EHBP1: variants seen among roughly 807,000 people sequenced by gnomAD.
The protein encoded by EHBP1 is EH domain-binding protein 1.
In EHBP1, 55 loss-of-function variants were observed where a neutral mutation model predicts 144.0. The observed-to-expected ratio is 0.38, with a 90% CI of 0.31 to 0.48. The LOEUF is 0.48. Ranked by LOEUF, EHBP1 falls within the 20% of genes least tolerant of loss-of-function variation. EHBP1 has a pLI of 0.98. For synonymous variants in EHBP1, 469 were observed against 472.7 expected, an observed-to-expected ratio of 0.99 and a Z score of 0.10; for missense variants, 1,200 against 1,364.2, an observed-to-expected ratio of 0.88 and a Z score of 1.90.
intron 10 of EHBP1, among the ~76,000 whole-genome samples, chr2:62,881,025 G>T (rs973163879): frequency 6.9e-6 from 1 of 144,850 alleles, no homozygotes; most frequent in Non-Finnish European, 1.5e-5. Context: ...ATGAAAATGT[G>T]GTATATATAT....
intron 19 of EHBP1, among the ~76,000 whole-genome samples, chr2:62,997,760 G>A (rs951781480): frequency 3.3e-5 from 5 of 152,024 alleles, no homozygotes; most frequent in Admixed American, 3.3e-4. Context: ...ATTTGAAAAT[G>A]CATAGATTAG....
Position 62,707,289 on chromosome 2 carries a change from A to G in EHBP1, c.98A>G (p.Lys33Arg), listed in dbSNP as rs778031853. ...SYQELMVECT[K>R]KWQPDKLVVV... ...CAGGAGCTCATGGTTGAGTGTACGAAGAAATGGTAAGATGTACCTGGAGGT... is the reference window on the plus strand; with the variant it reads ...CAGGAGCTCATGGTTGAGTGTACGAGGAAATGGTAAGATGTACCTGGAGGT... The change falls in exon 2 of 23, where the codon AAG (lysine) becomes AGG (arginine). Residue 33 changes from lysine to arginine, a missense_variant. Physicochemically the swap from Lys to Arg is conservative, Grantham distance 26. Transcript: ENST00000431489. The G allele has an allele frequency of 1.3e-5, 21 of 1,612,420 alleles. No individual in the cohort carries two copies. The Admixed American group carries it at 3.2e-4, about 24-fold the overall frequency.
chr2:62,766,334 C>T (rs1403446092), intron 4 of EHBP1, among the ~76,000 whole-genome samples: 1 of 152,010 alleles, frequency 6.6e-6, no homozygotes, highest in Non-Finnish European at 1.5e-5. Context: ...TTGAAATAGC[C>T]TAGGTACGAT....
Position 62,990,821 on chromosome 2 carries a change from G to A in EHBP1, c.2714G>A (p.Ser905Asn), listed in dbSNP as rs1361827068. ...SSAAQKAVTE[S>N]SEQDMKSGTE... Reference sequence around the variant, plus strand: ...GCTGCCCAGAAAGCTGTAACTGAGAGCTCAGAGCAGGACATGAAAGTAAGT... The same window carrying A: ...GCTGCCCAGAAAGCTGTAACTGAGAACTCAGAGCAGGACATGAAAGTAAGT... The change falls in exon 16 of 23, where the codon AGC (serine) becomes AAC (asparagine). Residue 905 changes from serine (S) to asparagine (N), a missense_variant. Ser to Asn is a conservative substitution (Grantham distance 46). Around this residue, in one of 6 missense-constraint regions of EHBP1, gnomAD observed 543 missense variants for 513.1 expected, o/e 1.06. Coordinates refer to ENST00000431489, the MANE Select transcript of EHBP1 (RefSeq NM_001142616.3). The A allele has an allele frequency of 6.2e-7, 1 of 1,613,490 alleles. No homozygotes were observed. The highest frequency in any genetic ancestry group is 8.5e-7 in the Non-Finnish European group (1 of 1,179,722).
intron 7 of EHBP1, among the ~76,000 whole-genome samples, chr2:62,848,309 C>T (rs971681128): frequency 6.6e-6 from 1 of 152,106 alleles, no homozygotes; most frequent in Non-Finnish European, 1.5e-5. Context: ...CCTCGAACTC[C>T]TGATCTCAAG....
chr2:62,733,205 G>A (rs547098501), intron 2 of EHBP1, among the ~76,000 whole-genome samples: 44 of 152,310 alleles, frequency 2.9e-4, no homozygotes, highest in African/African-American at 1.0e-3. Flanking sequence ...AGATAAAATA[G>A]CCCTTTTTAG....
intron 12 of EHBP1, among the ~76,000 whole-genome samples, chr2:62,946,431 A>G (rs2057074607): frequency 1.3e-5 from 2 of 152,302 alleles, no homozygotes; most frequent in African/African-American, 2.4e-5. Flanking sequence ...TTGTTTTTAC[A>G]TAGTCTTTCC....
At chr2:62,696,657 G>A (rs1405368472) in intron 1 of EHBP1, among the ~76,000 whole-genome samples, 1 of 151,372 alleles carries the variant, frequency 6.6e-6, no homozygotes, top group Non-Finnish European at 1.5e-5. Context: ...GGGACTACAG[G>A]CGCCAGCCAC....
chr2:62,996,896 C>A (rs543190770), intron 19 of EHBP1, 130 bp downstream of exon 19: 7 of 1,308,676 alleles, frequency 5.3e-6, no homozygotes, highest in Non-Finnish European at 6.3e-6. Flanking sequence ...AAAAAGGCTG[C>A]GATTTGCAGC....
chr2:62,756,768 C>CAA (rs34717027), intron 3 of EHBP1, among the ~76,000 whole-genome samples: 25 of 76,356 alleles, frequency 3.3e-4, no homozygotes, highest in African/African-American at 4.4e-4. Context: ...AACTCTATCT[C>CAA]AAAAAAAAAA....
At chr2:62,787,269 T>A (rs982858318) in intron 5 of EHBP1, among the ~76,000 whole-genome samples, 37 of 152,184 alleles carry the variant, frequency 2.4e-4, no homozygotes, top group African/African-American at 8.7e-4. Flanking sequence ...TTAACAATGG[T>A]TCTAAAGTTA....
intron 5 of EHBP1, among the ~76,000 whole-genome samples, chr2:62,814,978 A>C (rs1484735451): frequency 7.2e-5 from 11 of 152,336 alleles, no homozygotes; most frequent in Admixed American, 5.9e-4. Context: ...ATATGAAAAA[A>C]ATCTTTTAAA....
chr2:62,763,763 G>C (rs757837193), intron 3 of EHBP1, among the ~76,000 whole-genome samples: 3 of 152,116 alleles, frequency 2.0e-5, no homozygotes, highest in Non-Finnish European at 4.4e-5. Flanking sequence ...ATATTACCTG[G>C]AGAAACTGAT....
chr2:62,692,650 G>C (rs1030441609), intron 1 of EHBP1, among the ~76,000 whole-genome samples: 4 of 152,048 alleles, frequency 2.6e-5, no homozygotes, highest in Admixed American at 2.0e-4. Context: ...ATCTTTTCAA[G>C]TGCTTGTTGG....
intron 19 of EHBP1, among the ~76,000 whole-genome samples, chr2:63,027,591 T>C (rs2061035036): frequency 6.6e-6 from 1 of 152,184 alleles, no homozygotes; most frequent in African/African-American, 2.4e-5. Context: ...GCTTCTGTGG[T>C]TTGAGAACAA....
chr2:62,920,201 A>G (rs1029552924), intron 10 of EHBP1, among the ~76,000 whole-genome samples: 1 of 152,224 alleles, frequency 6.6e-6, no homozygotes, highest in Non-Finnish European at 1.5e-5. Context: ...AACACTGTTG[A>G]ATGACAAAGA....
chr2:62,895,268 A>G (rs534763832), intron 10 of EHBP1, among the ~76,000 whole-genome samples: 25 of 149,744 alleles, frequency 1.7e-4, no homozygotes, highest in Non-Finnish European at 1.0e-4. Flanking sequence ...ATTTTACTGT[A>G]TGTAAATTCT....
chr2:62,777,883 AAG>A (rs1472924719), intron 5 of EHBP1, among the ~76,000 whole-genome samples: 19 of 152,206 alleles, frequency 1.2e-4, no homozygotes, highest in African/African-American at 4.3e-4. Context: ...AAGTAGCGGA[AAG>A]AAATAGCAAA....
chr2:62,905,516 A>C (rs1198216522), intron 10 of EHBP1, among the ~76,000 whole-genome samples: 1 of 152,148 alleles, frequency 6.6e-6, no homozygotes, highest in African/African-American at 2.4e-5. Context: ...TGATATAATC[A>C]GGTACATGCT....
Sources: gnomAD v4.1 joint callset for allele counts (sites outside exome capture counted in the v4.1 genomes callset) on GRCh38, gnomAD v4.1.1 for gene constraint, gnomAD v4.1.1 regional missense constraint, MANE v1.5 for transcripts, NCBI Gene and HGNC (gene_info 2026-07-23, HGNC 2026-07-21) for gene names.